The following NHSL3 variants were observed in gnomAD, a reference collection of about 807,000 sequenced individuals.
NHSL3 encodes the protein NHS like 3.
the NHSL3 span, chr1:32,771,575 G>T: frequency 1.2e-6 from 2 of 1,612,184 alleles, no homozygotes; most frequent in Non-Finnish European, 1.7e-6. Context: ...TCTGTGGCCA[G>T]CCCTGAGCCT....
chr1:32,747,702 C>A, the NHSL3 span, among the ~76,000 whole-genome samples: 1 of 151,860 alleles, frequency 6.6e-6, no homozygotes, highest in Non-Finnish European at 1.5e-5. Flanking sequence ...GTGGCTCACA[C>A]CTGTAATCCC....
chr1:32,771,216 C>G, the NHSL3 span: 1 of 1,612,936 alleles, frequency 6.2e-7, no homozygotes, highest in Non-Finnish European at 8.5e-7. Context: ...AGCCCAGGAG[C>G]CCTAACCCAG....
chr1:32,773,168 G>A, the NHSL3 span: 9 of 525,048 alleles, frequency 1.7e-5, no homozygotes, highest in African/African-American at 7.6e-5. Flanking sequence ...GCGGGAGAGG[G>A]TGGCTGCGCC....
chr1:32,767,485 G>C, the NHSL3 span, among the ~76,000 whole-genome samples: 1 of 152,024 alleles, frequency 6.6e-6, no homozygotes, highest in African/African-American at 2.4e-5. Context: ...TGCTGTGTAC[G>C]TACACAGTAG....
the NHSL3 span, among the ~76,000 whole-genome samples, chr1:32,759,213 G>A: frequency 6.6e-6 from 1 of 152,012 alleles, no homozygotes; most frequent in East Asian, 1.9e-4. Flanking sequence ...CTGTGATGTG[G>A]GTGTTAGTCC....
At chr1:32,771,182 C>G in the NHSL3 span, 1 of 1,610,508 alleles carries the variant, frequency 6.2e-7, no homozygotes, top group Non-Finnish European at 8.5e-7. Context: ...AAGGTGCCTG[C>G]CCCCTTCTCC....
chr1:32,772,934 T>C, the NHSL3 span: 15 of 1,599,128 alleles, frequency 9.4e-6, no homozygotes, highest in South Asian at 1.5e-4. Flanking sequence ...AGAAACACAA[T>C]CTCAGGGACC....
At chr1:32,763,493 T>G in the NHSL3 span, among the ~76,000 whole-genome samples, 124 of 152,310 alleles carry the variant, frequency 8.1e-4, no homozygotes, top group Non-Finnish European at 1.5e-3. Context: ...TCTAGAAGAC[T>G]CTTCCCCAGG....
chr1:32,768,153 C>T, the NHSL3 span: 1 of 1,384,572 alleles, frequency 7.2e-7, no homozygotes, highest in African/African-American at 1.4e-5. Flanking sequence ...TGACTCTTCT[C>T]TACCTGCTTG....
At chr1:32,772,036 A>C in the NHSL3 span, 1 of 1,605,590 alleles carries the variant, frequency 6.2e-7, no homozygotes, top group South Asian at 1.1e-5. Flanking sequence ...TGCTCAGCCC[A>C]ACGGACCGCC....
the NHSL3 span, chr1:32,770,992 C>T: frequency 6.2e-7 from 1 of 1,611,948 alleles, no homozygotes; most frequent in Admixed American, 1.7e-5. This position sits in a 1 kb window ranked among gnomAD's most constrained non-coding sequence, Gnocchi z 8.3. Context: ...CCCTGCTTCC[C>T]CAGGCAAGGC....
chr1:32,774,520 C>T, the NHSL3 span: 2 of 152,232 alleles, frequency 1.3e-5, no homozygotes, highest in Non-Finnish European at 2.9e-5. Flanking sequence ...CCTGATCTAC[C>T]CCACCCCCTA....
chr1:32,772,245 C>A, the NHSL3 span: 1 of 1,604,712 alleles, frequency 6.2e-7, no homozygotes, highest in African/African-American at 1.3e-5. Flanking sequence ...CTAAGGCTCC[C>A]CCACCTGTGG....
At chr1:32,760,960 T>TCTGC in the NHSL3 span, among the ~76,000 whole-genome samples, 1 of 152,164 alleles carries the variant, frequency 6.6e-6, no homozygotes, top group African/African-American at 2.4e-5. Context: ...TGCCTGAGTC[T>TCTGC]CTGCCCTGGT....
the NHSL3 span, chr1:32,742,079 G>C: frequency 1.6e-6 from 2 of 1,257,668 alleles, no homozygotes; most frequent in Non-Finnish European, 1.0e-6. Flanking sequence ...AGCTGGCTGC[G>C]GGGCAAGCGG....
the NHSL3 span, among the ~76,000 whole-genome samples, chr1:32,752,938 C>CAT: frequency 2.6e-5 from 1 of 38,416 alleles, no homozygotes; most frequent in African/African-American, 1.1e-4. Context: ...CACACACACA[C>CAT]ACACACACAC....
the NHSL3 span, among the ~76,000 whole-genome samples, chr1:32,766,979 G>A: frequency 2.0e-5 from 3 of 152,174 alleles, no homozygotes; most frequent in Non-Finnish European, 2.9e-5. Flanking sequence ...TCCCTTGGGC[G>A]GGTGGAGGGG....
the NHSL3 span, among the ~76,000 whole-genome samples, chr1:32,760,257 CA>C: frequency 1.6e-4 from 25 of 152,192 alleles, no homozygotes; most frequent in Non-Finnish European, 3.4e-4. Context: ...CCTCCCCCTT[CA>C]TTCCTCTCCC....
At chr1:32,760,128 C>T in the NHSL3 span, among the ~76,000 whole-genome samples, 2 of 152,214 alleles carry the variant, frequency 1.3e-5, no homozygotes, top group Non-Finnish European at 2.9e-5. Context: ...GGCCTCTGAA[C>T]ACCCAGCATT....
Sources: allele counts gnomAD v4.1 joint callset (sites outside exome capture counted in the v4.1 genomes callset), GRCh38; gene constraint gnomAD v4.1.1; non-coding constraint Gnocchi (gnomAD v3.1); transcripts MANE v1.5; gene names NCBI Gene and HGNC (gene_info 2026-07-23, HGNC 2026-07-21).